LINGO3: variants seen among roughly 807,000 people sequenced by gnomAD.
The protein encoded by LINGO3 is leucine rich repeat and Ig domain containing 3, also known as leucine-rich repeat and immunoglobulin-like domain-containing nogo receptor-interacting protein 3.
For missense variants in LINGO3, 750 were observed against 867.7 expected, an observed-to-expected ratio of 0.86 and a Z score of 1.70; for synonymous variants, 427 against 444.2, an observed-to-expected ratio of 0.96 and a Z score of 0.49.
At position 2,290,322 on chromosome 19, in the gene LINGO3, C is replaced by T. The variant is rs759578079; in HGVS notation, c.1455G>A (p.Ala485=). The change falls in exon 1 of 1, where the codon GCG becomes GCA. Residue 485 remains alanine (A), a synonymous_variant. Transcript: ENST00000585527. This position sits in a 1 kb window ranked among gnomAD's most constrained non-coding sequence, Gnocchi z 6.0. ...TGGCGAAGTAGGTGTCGTTGCCGCC[C>T]GCGTTGCTGGCCACGCACGTGTAGG... 18 of 1,556,296 alleles carry T rather than the reference C, an allele frequency of 1.2e-5. No homozygotes were observed. In the South Asian group the frequency reaches 2.1e-4, roughly 18 times the overall value.
At chr19:2,301,259 G>GT in the LINGO3 span, among the ~76,000 whole-genome samples, 498 of 147,282 alleles carry the variant, frequency 3.4e-3, 2 homozygotes, top group Middle Eastern at 0.025. Context: ...CAGATTTAGT[G>GT]TTTTTTTTTT....
chr19:2,300,771 A>G, the LINGO3 span, among the ~76,000 whole-genome samples: 3 of 151,698 alleles, frequency 2.0e-5, no homozygotes, highest in Non-Finnish European at 4.4e-5. Context: ...CGCCCCCAAC[A>G]TTCAACGCGC....
the LINGO3 span, among the ~76,000 whole-genome samples, chr19:2,301,549 T>G: frequency 6.6e-6 from 1 of 152,090 alleles, no homozygotes; most frequent in Non-Finnish European, 1.5e-5. Context: ...CCAGGGTGAT[T>G]CAGCCTGTTT....
Position 2,290,596 on chromosome 19 carries a change from G to C in LINGO3, c.1181C>G (p.Pro394Arg), listed in dbSNP as rs556289498. The C allele has an allele frequency of 6.5e-5, 103 of 1,583,700 alleles. No individual in the cohort carries two copies. The highest frequency in any genetic ancestry group is 8.2e-5 in the Non-Finnish European group (96 of 1,170,648). Residue 394 changes from proline to arginine, a missense_variant, in exon 1 of 1, where the codon CCG becomes CGG. Physicochemically the swap from Pro to Arg is moderately radical, Grantham distance 103. Coordinates refer to ENST00000585527, the Ensembl canonical transcript of LINGO3. This position sits in a 1 kb window ranked among gnomAD's most constrained non-coding sequence, Gnocchi z 6.0. ...GAAGTACTCGAACAGCACGGAGTCC[G>C]GCAGGTTTCGCAGCGCGTCGCCGCG...
In LINGO3 at chr19:2,291,400, T is replaced by C. The variant is rs780451895; in HGVS notation, c.377A>G (p.Asp126Gly). 3 of 1,613,414 alleles carry C rather than the reference T, an allele frequency of 1.9e-6. No homozygotes were observed. The South Asian group carries it at 3.3e-5, about 18-fold the overall frequency. ...GCTCAGGTCCAGCAGCGTGAGGTTG[T>C]CCAGGCGCGTGAAGACCCCGGGCGG... Residue 126 changes from aspartate to glycine, a missense_variant, in exon 1 of 1, where the codon GAC (aspartate) becomes GGC (glycine). By Grantham distance (94) the Asp-to-Gly change is moderately conservative (BLOSUM62 -1). Transcript: ENST00000585527.
At chr19:2,287,929 C>T (rs2025481271), downstream of LINGO3, among the ~76,000 whole-genome samples, 4 of 152,132 alleles carry the variant, frequency 2.6e-5, no homozygotes, top group Admixed American at 2.6e-4. The surrounding 1 kb of genome is among the most constrained non-coding windows in gnomAD (Gnocchi z 4.5). Flanking sequence ...AGGTTTTGGC[C>T]CAACAGTGGT....
chr19:2,303,317 C>T, the LINGO3 span, among the ~76,000 whole-genome samples: 3 of 151,338 alleles, frequency 2.0e-5, no homozygotes, highest in Non-Finnish European at 4.4e-5. Context: ...AGCAGATTGT[C>T]TGAAAAAAGC....
chr19:2,292,399 CAAAA>C (rs1156254881), upstream of LINGO3, among the ~76,000 whole-genome samples: 245 of 42,598 alleles, frequency 5.8e-3, no homozygotes, highest in South Asian at 0.021. Context: ...AACCCTGTCT[CAAAA>C]AAAAAAAAAA....
upstream of LINGO3, among the ~76,000 whole-genome samples, chr19:2,294,890 C>T (rs1023043206): frequency 9.2e-5 from 14 of 152,124 alleles, no homozygotes; most frequent in African/African-American, 3.4e-4. This position sits in a 1 kb window ranked among gnomAD's most constrained non-coding sequence, Gnocchi z 4.3. Context: ...TGCTTGGCCG[C>T]CTCCCCCGCC....
the LINGO3 span, among the ~76,000 whole-genome samples, chr19:2,298,883 G>A: frequency 6.6e-6 from 1 of 152,118 alleles, no homozygotes; most frequent in Non-Finnish European, 1.5e-5. Context: ...ACAGATAAGG[G>A]CAAAATCAGG....
At chr19:2,294,243 G>T (rs2025553952), upstream of LINGO3, among the ~76,000 whole-genome samples, 2 of 152,110 alleles carry the variant, frequency 1.3e-5, no homozygotes, top group South Asian at 4.1e-4. The surrounding 1 kb of genome is among the most constrained non-coding windows in gnomAD (Gnocchi z 4.3). Context: ...CTATACAGGG[G>T]AAATAGAGCC....
chr19:2,304,428 A>C, the LINGO3 span, among the ~76,000 whole-genome samples: 22 of 152,224 alleles, frequency 1.4e-4, no homozygotes, highest in African/African-American at 4.6e-4. Flanking sequence ...AGATAAGGCC[A>C]CCCTTACATG....
upstream of LINGO3, among the ~76,000 whole-genome samples, chr19:2,295,659 C>G (rs1364724794): frequency 3.3e-5 from 5 of 152,142 alleles, no homozygotes; most frequent in Non-Finnish European, 7.3e-5. Flanking sequence ...TCGCTTGAAC[C>G]TGGCAGGCGG....
At chr19:2,292,637 C>G (rs960618142), upstream of LINGO3, among the ~76,000 whole-genome samples, 1 of 151,438 alleles carries the variant, frequency 6.6e-6, no homozygotes, top group African/African-American at 2.4e-5. Context: ...TTACAGGTGC[C>G]CGCCACCACG....
chr19:2,290,012 T>C lies in LINGO3; in HGVS notation c.1765A>G (p.Met589Val). ...CTGGGGACCCCTCAGATCATCTTCA[T>C]GTTGAACTTGCGCGCGCCTCCCTGG... Residue 589 changes from methionine to valine, a missense_variant, in exon 1 of 1, where the codon ATG becomes GTG. By Grantham distance (21) the Met-to-Val change is conservative (BLOSUM62 1). Transcript: ENST00000585527. This position sits in a 1 kb window ranked among gnomAD's most constrained non-coding sequence, Gnocchi z 6.0. 1 of 1,540,462 alleles carries C rather than the reference T, an allele frequency of 6.5e-7. No homozygotes were observed. Among genetic ancestry groups the C allele is most frequent in the Non-Finnish European group, 8.8e-7 (1 of 1,142,478 alleles).
At chr19:2,303,645 G>C in the LINGO3 span, among the ~76,000 whole-genome samples, 6 of 152,340 alleles carry the variant, frequency 3.9e-5, no homozygotes, top group African/African-American at 1.4e-4. Context: ...GTTGCAGTTG[G>C]AAGGCGCGTC....
the LINGO3 span, among the ~76,000 whole-genome samples, chr19:2,302,888 C>T: frequency 1.3e-5 from 2 of 152,198 alleles, no homozygotes; most frequent in Non-Finnish European, 2.9e-5. Context: ...GCGATCGCAC[C>T]CCAGGACTCT....
At chr19:2,304,657 C>T in the LINGO3 span, among the ~76,000 whole-genome samples, 9 of 148,928 alleles carry the variant, frequency 6.0e-5, no homozygotes, top group African/African-American at 1.7e-4. Flanking sequence ...AGATGGGAAC[C>T]GGATTTTCAC....
At chr19:2,297,048 C>T in the LINGO3 span, among the ~76,000 whole-genome samples, 28 of 151,260 alleles carry the variant, frequency 1.9e-4, no homozygotes, top group South Asian at 4.2e-4. Flanking sequence ...GCTGAGATCA[C>T]GCCACTGCAC....
Sources: allele counts gnomAD v4.1 joint callset (sites outside exome capture counted in the v4.1 genomes callset), GRCh38; gene constraint gnomAD v4.1.1; non-coding constraint Gnocchi (gnomAD v3.1); transcripts MANE v1.5; gene names NCBI Gene and HGNC (gene_info 2026-07-23, HGNC 2026-07-21).